The following WASF1 variants were observed in gnomAD, a reference collection of about 807,000 sequenced individuals.
WASF1 encodes WASP family member 1.
WASF1 carries 7 observed loss-of-function variants against 50.5 expected under a neutral mutation model. That is an observed-to-expected ratio of 0.14 (90% confidence interval 0.08 to 0.26). The LOEUF is 0.26. Ranked by LOEUF, WASF1 falls within the 10% of genes least tolerant of loss-of-function variation. The probability of loss-of-function intolerance (pLI) is 1.00; values close to 1 mark genes in which losing one functional copy is unlikely to be tolerated. For missense variants in WASF1, 470 were observed against 694.7 expected (o/e 0.68, Z 3.64); for synonymous variants, 205 against 244.0 (o/e 0.84, Z 1.49).
chr6:110,163,530 A>G (rs1776348470), intron 2 of WASF1, among the ~76,000 whole-genome samples: 1 of 151,494 alleles, frequency 6.6e-6, no homozygotes, highest in African/African-American at 2.4e-5. Flanking sequence ...CATCTCCCCA[A>G]AGTCCTATCT....
chr6:110,114,251 A>G (rs1241687925), intron 4 of WASF1, among the ~76,000 whole-genome samples: 1 of 152,098 alleles, frequency 6.6e-6, no homozygotes, highest in Non-Finnish European at 1.5e-5. Context: ...ACATTGTGAG[A>G]CTCATTCAAA....
At chr6:110,164,931 G>A (rs981955153) in intron 2 of WASF1, among the ~76,000 whole-genome samples, 2 of 151,576 alleles carry the variant, frequency 1.3e-5, no homozygotes, top group African/African-American at 4.8e-5. Flanking sequence ...CCAAGTCAAA[G>A]AAGCGAATTT....
chr6:110,113,979 T>C (rs1773684074), intron 4 of WASF1, among the ~76,000 whole-genome samples: 1 of 152,180 alleles, frequency 6.6e-6, no homozygotes, highest in Admixed American at 6.5e-5. Context: ...TATATTAGGT[T>C]GGTGCAAATG....
chr6:110,115,010 T>C (rs1283655119), intron 4 of WASF1, among the ~76,000 whole-genome samples: 4 of 151,770 alleles, frequency 2.6e-5, no homozygotes, highest in Non-Finnish European at 5.9e-5. Flanking sequence ...GAGGATCACT[T>C]GAGCCTAGGA....
intron 4 of WASF1, among the ~76,000 whole-genome samples, chr6:110,124,191 GTCTCTC>G (rs759865889): frequency 2.2e-5 from 2 of 91,276 alleles, no homozygotes; most frequent in Admixed American, 1.1e-4. Flanking sequence ...CCCCATCAGC[GTCTCTC>G]TCTCTCTCTC....
At chr6:110,125,761 T>C (rs1459809929) in intron 4 of WASF1, among the ~76,000 whole-genome samples, 1 of 152,232 alleles carries the variant, frequency 6.6e-6, no homozygotes, top group East Asian at 1.9e-4. Context: ...CTTCCAGGTC[T>C]CTGATTCTAA....
intron 9 of WASF1, among the ~76,000 whole-genome samples, chr6:110,103,077 A>T (rs984486636): frequency 1.3e-5 from 2 of 152,210 alleles, no homozygotes; most frequent in Admixed American, 1.3e-4. Context: ...TTTAATCTTT[A>T]AATTCTTATT....
At chr6:110,179,215 C>T (rs1011513731) in intron 1 of WASF1, among the ~76,000 whole-genome samples, 4 of 152,074 alleles carry the variant, frequency 2.6e-5, no homozygotes, top group Non-Finnish European at 5.9e-5. Flanking sequence ...CCCAGGCGCG[C>T]CCGCCGCCGT....
chr6:110,167,471 C>A (rs865882432), intron 2 of WASF1, among the ~76,000 whole-genome samples: 1 of 151,844 alleles, frequency 6.6e-6, no homozygotes, highest in Non-Finnish European at 1.5e-5. Flanking sequence ...TCTGACCCTG[C>A]GTAGGCCTAG....
intron 3 of WASF1, among the ~76,000 whole-genome samples, chr6:110,140,617 T>C (rs1373076577): frequency 6.6e-6 from 1 of 152,170 alleles, no homozygotes; most frequent in African/African-American, 2.4e-5. Flanking sequence ...CAGTGTCTGC[T>C]GAAGAATTAA....
chr6:110,173,068 A>G (rs550835737), intron 2 of WASF1, among the ~76,000 whole-genome samples: 10 of 152,286 alleles, frequency 6.6e-5, no homozygotes, highest in Admixed American at 5.9e-4. Context: ...AATTTAACAA[A>G]TTTAGCAAGA....
intron 3 of WASF1, among the ~76,000 whole-genome samples, chr6:110,139,051 T>C (rs1775098345): frequency 6.6e-6 from 1 of 152,164 alleles, no homozygotes; most frequent in Admixed American, 6.5e-5. Context: ...TTTCCTCCCA[T>C]GCTCATAGGC....
At chr6:110,127,699 T>C (rs953359225) in intron 3 of WASF1, 70 bp from the exon 4 acceptor site, 8 of 1,323,772 alleles carry the variant, frequency 6.0e-6, no homozygotes, top group East Asian at 5.6e-5. Flanking sequence ...TTATTTTTCA[T>C]TGAAGAATAA....
chr6:110,160,260 G>A (rs1219043943), intron 3 of WASF1, among the ~76,000 whole-genome samples: 4 of 151,736 alleles, frequency 2.6e-5, no homozygotes, highest in Non-Finnish European at 4.4e-5. Flanking sequence ...TAAAAAGAAT[G>A]GGAAAACGAG....
chr6:110,125,643 CT>C (rs1044672941), intron 4 of WASF1, among the ~76,000 whole-genome samples: 7 of 152,256 alleles, frequency 4.6e-5, no homozygotes, highest in Admixed American at 4.6e-4. Context: ...AGTGGGAAAG[CT>C]GCCAGAGAAG....
At position 110,101,857 on chromosome 6, in the gene WASF1, C is replaced by T. The variant is rs753591006; in HGVS notation, c.1253G>A (p.Gly418Asp). The change falls in exon 10 of 11, where the codon GGT becomes GAT. Residue 418 changes from glycine to aspartate, a missense_variant. Gly to Asp is a moderately conservative substitution (Grantham distance 94, BLOSUM62 -1). This residue lies in a region of WASF1 where 294 missense variants were observed against 343.5 expected (regional missense o/e 0.86). Transcript: ENST00000392589. ...ETVPVHPLPQGEVQGLPPPPP... is the reference protein window; with the variant it reads ...ETVPVHPLPQDEVQGLPPPPP... ...GGGTGGAGGCAGCCCCTGAACTTCA[C>T]CTTGTGGGAGTGGATGAACTGGTAC... 1.2e-6 allele frequency: 2 copies of T among 1,613,716 alleles called. No homozygotes were observed. Among genetic ancestry groups the T allele is most frequent in the Admixed American group, 1.7e-5 (1 of 59,988 alleles).
intron 2 of WASF1, among the ~76,000 whole-genome samples, chr6:110,172,229 C>A (rs928027605): frequency 6.6e-6 from 1 of 152,138 alleles, no homozygotes; most frequent in Non-Finnish European, 1.5e-5. Flanking sequence ...AAGACAAATG[C>A]ACACGTATGT....
intron 3 of WASF1, among the ~76,000 whole-genome samples, chr6:110,132,808 T>C (rs1469031350): frequency 6.6e-6 from 1 of 151,884 alleles, no homozygotes; most frequent in Non-Finnish European, 1.5e-5. Flanking sequence ...ATTCTGGAGT[T>C]ACTTCACTTA....
At chr6:110,144,545 A>C (rs1053791981) in intron 3 of WASF1, among the ~76,000 whole-genome samples, 3 of 152,196 alleles carry the variant, frequency 2.0e-5, no homozygotes, top group Admixed American at 2.0e-4. Context: ...GCCCATGCCT[A>C]TGTCCTGAAT....
Sources: gnomAD v4.1 joint callset for allele counts (sites outside exome capture counted in the v4.1 genomes callset) on GRCh38, gnomAD v4.1.1 for gene constraint, gnomAD v4.1.1 regional missense constraint, MANE v1.5 for transcripts, NCBI Gene and HGNC (gene_info 2026-07-23, HGNC 2026-07-21) for gene names.